FNDC1: variants seen among roughly 807,000 people sequenced by gnomAD.
FNDC1 encodes fibronectin type III domain-containing protein 1.
FNDC1 carries 96 observed loss-of-function variants against 168.0 expected under a neutral mutation model. That is an observed-to-expected ratio of 0.57 (90% CI 0.48 to 0.68). The LOEUF is 0.68. FNDC1 is among the 30% of genes least tolerant of loss of function. The pLI is 0.00. For synonymous variants in FNDC1, 1,099 were observed against 1,025.9 expected (o/e 1.07, Z -1.36); for missense variants, 2,587 against 2,482.1 (o/e 1.04, Z -0.90).
Position 159,232,238 on chromosome 6 carries a change from G to A in FNDC1, c.1726G>A (p.Val576Met). ...LRPPSRHGHS[V>M]VAPGRTAVRA... ...GCCGCCAAGTAGACACGGCCACTCG[G>A]TGGTTGCTCCCGGCAGGACTGCAGT... The change falls in exon 11 of 23, where the codon GTG becomes ATG. Residue 576 changes from valine (V) to methionine (M), a missense_variant. Physicochemically the swap from Val to Met is conservative, Grantham distance 21. Coordinates refer to ENST00000297267, the MANE Select transcript of FNDC1 (RefSeq NM_032532.3). This position sits in a 1 kb window ranked among gnomAD's most constrained non-coding sequence, Gnocchi z 4.9. 6.2e-7 allele frequency: 1 copy of A among 1,612,344 alleles called. No individual in the cohort carries two copies. Among genetic ancestry groups the A allele is most frequent in the Non-Finnish European group, 8.5e-7 (1 of 1,179,208 alleles).
chr6:159,250,639 G>A (rs1331059786), intron 16 of FNDC1, among the ~76,000 whole-genome samples: 3 of 152,308 alleles, frequency 2.0e-5, no homozygotes, highest in African/African-American at 4.8e-5. Flanking sequence ...GGTAACATGA[G>A]GCCATCGGTT....
At position 159,239,847 on chromosome 6, in the gene FNDC1, C is replaced by A. The variant is rs386360; in HGVS notation, c.4511C>A (p.Thr1504Lys). 0.88 allele frequency: 1,360,181 copies of A among 1,550,634 alleles called. 598,944 individuals carry two copies. Among genetic ancestry groups the A allele is most frequent in the Middle Eastern group, 0.91 (5,426 of 5,988 alleles). Residue 1504 changes from threonine to lysine, a missense_variant, in exon 14 of 23, where the codon ACA (threonine) becomes AAA (lysine). Thr to Lys is a moderately conservative substitution (Grantham distance 78). Transcript: ENST00000297267. ...TTRTTTTTTP[T>K]PTTPIPTCPP... ...CGGACAACCACCACCACCACCCCCACACCCACCACTCCCATCCCCACCTGT... is the reference window on the plus strand; with the variant it reads ...CGGACAACCACCACCACCACCCCCAAACCCACCACTCCCATCCCCACCTGT...
intron 6 of FNDC1, among the ~76,000 whole-genome samples, chr6:159,221,967 C>G (rs906923688): frequency 6.6e-6 from 1 of 152,130 alleles, no homozygotes; most frequent in Admixed American, 6.5e-5. Flanking sequence ...AGCGTTCATT[C>G]CAGTAAAGGT....
chr6:159,259,902 ATC>A (rs1242992458), intron 18 of FNDC1, among the ~76,000 whole-genome samples: 1 of 152,260 alleles, frequency 6.6e-6, no homozygotes, highest in Non-Finnish European at 1.5e-5. Context: ...AAAGTAAAGT[ATC>A]TCTGTTCTGA....
In FNDC1 at chr6:159,271,352, G is replaced by A. The variant is rs748920767; in HGVS notation, c.5595G>A (p.Glu1865=). 6.2e-7 allele frequency: 1 copy of A among 1,611,512 alleles called. No individual in the cohort carries two copies. Among genetic ancestry groups the A allele is most frequent in the Non-Finnish European group, 8.5e-7 (1 of 1,178,918 alleles). The part of the protein sequence containing the change: ...IQGYYRQYRQ[E]PVRFGNIGFG... The stretch of plus-strand genomic sequence containing the variant: ...GCTACTATCGCCAGTATCGTCAGGA[G>A]CCTGTCAGGTTTGGGAACATCGGCT... Residue 1865 remains glutamate, a synonymous_variant, in exon 23 of 23, where the codon GAG becomes GAA. Transcript: ENST00000297267.
chr6:159,271,545 C>T lies in FNDC1; in HGVS notation c.*103C>T. On this transcript the variant is annotated 3_prime_UTR_variant, in exon 23 of 23. Coordinates refer to ENST00000297267, the MANE Select transcript of FNDC1 (RefSeq NM_032532.3). ...AGCCAGCGTGCTCAGCCCCGCTGCC[C>T]TAGGTGCCAGGAAGGTCATAGATGG... 1 of 851,936 alleles carries T rather than the reference C, an allele frequency of 1.2e-6. No individual in the cohort carries two copies. Among genetic ancestry groups the T allele is most frequent in the South Asian group, 1.5e-5 (1 of 66,160 alleles). 52.8% of individuals were successfully genotyped at this position (851,936 alleles called of 1,614,324 possible).
chr6:159,194,317 G>A (rs1376783913), intron 1 of FNDC1, among the ~76,000 whole-genome samples: 1 of 152,152 alleles, frequency 6.6e-6, no homozygotes, highest in Non-Finnish European at 1.5e-5. Flanking sequence ...GATTCCTGTT[G>A]AATTGATGTT....
intron 6 of FNDC1, among the ~76,000 whole-genome samples, chr6:159,221,997 A>C (rs535959082): frequency 2.0e-4 from 30 of 152,348 alleles, no homozygotes; most frequent in African/African-American, 6.7e-4. Context: ...CCCAAGCCTA[A>C]ATTGCCCTGG....
intron 16 of FNDC1, among the ~76,000 whole-genome samples, chr6:159,250,628 T>C (rs1777233753): frequency 6.6e-6 from 1 of 152,188 alleles, no homozygotes; most frequent in Admixed American, 6.5e-5. Flanking sequence ...GCAGGCGAGA[T>C]GGTAACATGA....
chr6:159,223,079 T>G (rs1223875513), intron 6 of FNDC1, among the ~76,000 whole-genome samples: 2 of 144,532 alleles, frequency 1.4e-5, no homozygotes, highest in African/African-American at 5.0e-5. Flanking sequence ...CACTGCAAGC[T>G]CCGCCTCCTG....
At chr6:159,253,990 C>A (rs1177367344) in intron 17 of FNDC1, among the ~76,000 whole-genome samples, 1 of 152,180 alleles carries the variant, frequency 6.6e-6, no homozygotes, top group Non-Finnish European at 1.5e-5. Context: ...ACGGGAAATG[C>A]CGTGAGGAGG....
At chr6:159,219,348 C>T (rs929070979) in intron 5 of FNDC1, among the ~76,000 whole-genome samples, 3 of 152,210 alleles carry the variant, frequency 2.0e-5, no homozygotes, top group Non-Finnish European at 2.9e-5. Flanking sequence ...GGCCATTTCC[C>T]CTCTTTATTC....
intron 15 of FNDC1, 116 bp from the exon 16 acceptor site, chr6:159,248,923 G>T: frequency 1.1e-6 from 1 of 900,290 alleles, no homozygotes. Flanking sequence ...GTGTGTGTGT[G>T]TCTGTCTGTC....
chr6:159,268,897 A>G (rs1210368317), intron 22 of FNDC1, among the ~76,000 whole-genome samples: 3 of 151,168 alleles, frequency 2.0e-5, no homozygotes, highest in Non-Finnish European at 4.4e-5. Flanking sequence ...ATAACTATCT[A>G]TCCATCCATC....
In FNDC1 at chr6:159,233,906, G is replaced by A. The variant is rs1473515279; in HGVS notation, c.3394G>A (p.Ala1132Thr). The change falls in exon 11 of 23, where the codon GCG becomes ACG. Residue 1132 changes from alanine (A) to threonine (T), a missense_variant. Coordinates refer to ENST00000297267, the MANE Select transcript of FNDC1 (RefSeq NM_032532.3). This position sits in a 1 kb window ranked among gnomAD's most constrained non-coding sequence, Gnocchi z 4.6. ...GGDHRSQRGH[A>T]ASPARPSRPG... is the part of the protein sequence containing the mutation. ...CGACCACAGGTCCCAGCGCGGACAT[G>A]CGGCCTCCCCCGCCAGGCCCAGCCG... is the stretch of plus-strand genomic sequence containing the variant. 1 of 1,547,758 alleles carries A rather than the reference G, an allele frequency of 6.5e-7. No individual in the cohort carries two copies.
rs117297090 is a variant in FNDC1, at chr6:159,266,517, G to C, written c.5446+272G>C. On this transcript the variant is annotated intron_variant, in intron 21 of 22. Transcript: ENST00000297267. ...CGCAGCACTTTGGGAGGCCGAGGTG[G>C]GTGGATTACTTGAGATCAGGAATTC... 6.2e-3 allele frequency among the ~76,000 whole-genome samples: 949 copies of C among 152,228 alleles called. 1 individual carries two copies. The highest frequency in any genetic ancestry group is 0.037 in the Middle Eastern group (11 of 294).
intron 1 of FNDC1, among the ~76,000 whole-genome samples, chr6:159,173,777 G>T (rs536450657): frequency 6.6e-6 from 1 of 152,278 alleles, no homozygotes; most frequent in Non-Finnish European, 1.5e-5. Context: ...GAAATGTGCG[G>T]TACTGGGCAA....
chr6:159,207,905 C>G (rs1030171791), intron 4 of FNDC1, among the ~76,000 whole-genome samples: 14 of 152,226 alleles, frequency 9.2e-5, no homozygotes, highest in African/African-American at 3.4e-4. Context: ...GAATATTTAA[C>G]ACTCCTTCTC....
chr6:159,197,690 T>A, intron 2 of FNDC1, 65 bp downstream of exon 2: 1 of 1,434,218 alleles, frequency 7.0e-7, no homozygotes. Flanking sequence ...TCAGTTGCAT[T>A]CTTAGGATGA....
Sources: allele counts gnomAD v4.1 joint callset (sites outside exome capture counted in the v4.1 genomes callset), GRCh38; gene constraint gnomAD v4.1.1; non-coding constraint Gnocchi (gnomAD v3.1); transcripts MANE v1.5; gene names NCBI Gene and HGNC (gene_info 2026-07-23, HGNC 2026-07-21).